Variants in VPS53 observed in about 807,000 individuals in gnomAD.
VPS53 encodes the protein VPS53 subunit of GARP complex.
Under a neutral mutation model 107.0 loss-of-function variants are expected in VPS53, and 70 were observed. That is an observed-to-expected ratio of 0.65 (90% CI 0.54 to 0.80). VPS53 has a LOEUF of 0.80. VPS53 is among the 30% of genes least tolerant of loss of function. The pLI is 0.00. For synonymous variants in VPS53, 409 were observed against 393.3 expected (o/e 1.04, Z -0.47); for missense variants, 917 against 1,049.4 (o/e 0.87, Z 1.74).
intron 15 of VPS53, among the ~76,000 whole-genome samples, chr17:559,298 C>T (rs1468988122): frequency 3.9e-5 from 6 of 152,114 alleles, no homozygotes; most frequent in South Asian, 2.1e-4. Context: ...TTAAATACTA[C>T]GGTTATTTTA....
At chr17:611,075 G>A (rs145243732) in intron 11 of VPS53, among the ~76,000 whole-genome samples, 274 of 151,870 alleles carry the variant, frequency 1.8e-3, no homozygotes, top group African/African-American at 6.2e-3. Flanking sequence ...CATGAGTGGC[G>A]CAATCTCAGC....
At chr17:528,589 TC>T (rs1446682447) in intron 19 of VPS53, among the ~76,000 whole-genome samples, 3 of 140,124 alleles carry the variant, frequency 2.1e-5, no homozygotes, top group African/African-American at 5.6e-5. Context: ...CATTTTTTTT[TC>T]AATTCTTTTT....
At chr17:674,627 C>T in intron 4 of VPS53, 1 of 152,348 alleles carries the variant, frequency 6.6e-6, no homozygotes, top group East Asian at 1.9e-4. Context: ...GTTTCTTCGT[C>T]ATACTGAGGG....
intron 12 of VPS53, among the ~76,000 whole-genome samples, chr17:589,337 T>C (rs1458421950): frequency 1.3e-5 from 2 of 152,108 alleles, no homozygotes; most frequent in Non-Finnish European, 2.9e-5. Flanking sequence ...TGAAAATCTT[T>C]AAAAGCCTAT....
In VPS53 at chr17:591,801, G is replaced by A. The variant is rs573571938; in HGVS notation, c.1219-5437C>T. 2.6e-3 allele frequency among the ~76,000 whole-genome samples: 402 copies of A among 152,200 alleles called. 3 individuals carry two copies. The highest frequency in any genetic ancestry group is 9.4e-3 in the African/African-American group (389 of 41,506). On this transcript the variant is annotated intron_variant, in intron 12 of 21. Coordinates refer to ENST00000437048, the MANE Select transcript of VPS53 (RefSeq NM_001128159.3). Reference sequence around the variant, plus strand: ...GGAGAGCTTTACTTCCAACTATGTGGTCAATTTTGGAATAGATGTGGTGTG... The same window carrying A: ...GGAGAGCTTTACTTCCAACTATGTGATCAATTTTGGAATAGATGTGGTGTG...
chr17:653,483 C>CTA, intron 6 of VPS53, 73 bp from the exon 7 acceptor site: 1 of 1,599,564 alleles, frequency 6.3e-7, no homozygotes, highest in African/African-American at 1.3e-5. Flanking sequence ...GAACAACCCA[C>CTA]GCTAGCTCTC....
At chr17:698,561 A>G (rs1240500453) in intron 3 of VPS53, among the ~76,000 whole-genome samples, 2 of 152,016 alleles carry the variant, frequency 1.3e-5, no homozygotes, top group Non-Finnish European at 1.5e-5. Context: ...AAACATTAGC[A>G]AAGTGTGGTG....
chr17:697,302 G>A (rs2143913387), intron 4 of VPS53, 116 bp downstream of exon 4: 2 of 872,578 alleles, frequency 2.3e-6, no homozygotes, highest in South Asian at 1.4e-5. Flanking sequence ...GTCCTGCCAT[G>A]TATGAAACGG....
Position 514,746 on chromosome 17 carries a change from G to C in VPS53, c.*4382C>G, listed in dbSNP as rs1908182279. The C allele has an allele frequency of 6.5e-6, 1 of 152,706 alleles. No individual in the cohort carries two copies. The highest frequency in any genetic ancestry group is 2.4e-5 in the African/African-American group (1 of 41,476). 9.5% of individuals were successfully genotyped at this position (152,706 alleles called of 1,614,324 possible). Reference sequence around the variant, plus strand: ...CCTGCCCCCACGCTCTGCGTGCCCTGTACTGGTCATGCTGGTCTCAGCTTG... The same window carrying C: ...CCTGCCCCCACGCTCTGCGTGCCCTCTACTGGTCATGCTGGTCTCAGCTTG... On this transcript the variant is annotated 3_prime_UTR_variant, in exon 22 of 22. Coordinates refer to ENST00000437048, the MANE Select transcript of VPS53 (RefSeq NM_001128159.3).
intron 11 of VPS53, among the ~76,000 whole-genome samples, chr17:619,085 C>G (rs1424602945): frequency 7.1e-6 from 1 of 141,106 alleles, no homozygotes; most frequent in East Asian, 2.2e-4. Flanking sequence ...GCGTGCACCA[C>G]CACGCCCAGC....
chr17:635,345 T>C (rs879428073), intron 7 of VPS53, among the ~76,000 whole-genome samples: 6 of 152,342 alleles, frequency 3.9e-5, no homozygotes, highest in East Asian at 3.9e-4. Flanking sequence ...ATTCTGTAGG[T>C]TGCCTGTTCA....
Position 714,701 on chromosome 17 carries a change from C to T in VPS53, c.9G>A (p.Glu3=). The T allele has an allele frequency of 4.3e-6, 7 of 1,613,270 alleles. No individual in the cohort carries two copies. Among genetic ancestry groups the T allele is most frequent in the Non-Finnish European group, 5.9e-6 (7 of 1,179,702 alleles). ...CCTCCACGAACTCCAGTTCCTCCTC[C>T]TCCATCATTCCGCCACCCGGCCCCC... is the stretch of plus-strand genomic sequence containing the variant. MM[E]EEELEFVEEL... Residue 3 remains glutamate, a synonymous_variant, in exon 1 of 22, where the codon GAG becomes GAA. Coordinates refer to ENST00000437048, the MANE Select transcript of VPS53 (RefSeq NM_001128159.3).
At position 588,918 on chromosome 17, in the gene VPS53, T is replaced by C. The variant is rs1311550803; in HGVS notation, c.1219-2554A>G. Reference sequence around the variant, plus strand: ...TCCTGTTTATTCCAAGTCAGTATCTTTTATTATTGATTCAATAAGATGACT... The same window carrying C: ...TCCTGTTTATTCCAAGTCAGTATCTCTTATTATTGATTCAATAAGATGACT... On this transcript the variant is annotated intron_variant, in intron 12 of 21. Coordinates refer to ENST00000437048, the MANE Select transcript of VPS53 (RefSeq NM_001128159.3). 3.3e-5 allele frequency among the ~76,000 whole-genome samples: 5 copies of C among 152,234 alleles called. No individual in the cohort carries two copies. In the East Asian group the frequency reaches 9.6e-4, roughly 29 times the overall value.
chr17:639,261 G>C (rs1970326728), intron 7 of VPS53, among the ~76,000 whole-genome samples: 1 of 152,148 alleles, frequency 6.6e-6, no homozygotes, highest in Non-Finnish European at 1.5e-5. Context: ...ATGGTTTTCA[G>C]CTCCATTAGG....
At chr17:569,074 G>A (rs968043367) in intron 13 of VPS53, among the ~76,000 whole-genome samples, 1 of 152,170 alleles carries the variant, frequency 6.6e-6, no homozygotes, top group Non-Finnish European at 1.5e-5. Flanking sequence ...GGAAATGGAC[G>A]ACTCCAGGGC....
Position 528,580 on chromosome 17 carries a change from AT to A in VPS53, c.2085+4261del, listed in dbSNP as rs1029657056. Among the ~76,000 whole-genome samples, 35 of 133,636 alleles carry A rather than the reference AT, an allele frequency of 2.6e-4. 1 individual carries two copies. Among genetic ancestry groups the A allele is most frequent in the African/African-American group, 6.9e-4 (25 of 36,180 alleles). The allele number at this position is 133,636 out of a possible 152,430, so 87.7% of individuals were successfully genotyped here. On this transcript the variant is annotated intron_variant, in intron 19 of 21. Coordinates refer to ENST00000437048, the MANE Select transcript of VPS53 (RefSeq NM_001128159.3). Reference sequence around the variant, plus strand: ...TGTGTACAAGCTTTTGTGTGAACACATTTTTTTTTCAATTCTTTTTTTTTTT... The same window carrying A: ...TGTGTACAAGCTTTTGTGTGAACACATTTTTTTTCAATTCTTTTTTTTTTT...
intron 11 of VPS53, among the ~76,000 whole-genome samples, chr17:603,493 C>T (rs1968418185): frequency 2.0e-5 from 3 of 152,328 alleles, no homozygotes; most frequent in Admixed American, 6.5e-5. Context: ...TGGTTTAAGA[C>T]AATACTGCTA....
At chr17:641,011 C>T (rs931397357) in intron 7 of VPS53, among the ~76,000 whole-genome samples, 10 of 152,072 alleles carry the variant, frequency 6.6e-5, no homozygotes, top group Admixed American at 3.9e-4. Flanking sequence ...CCTGCCACCA[C>T]GCCTGGCTAA....
chr17:644,260 C>T (rs1333703576), intron 7 of VPS53, among the ~76,000 whole-genome samples: 1 of 152,184 alleles, frequency 6.6e-6, no homozygotes, highest in Non-Finnish European at 1.5e-5. Context: ...TTCAAATGTA[C>T]AGGCAAAGAT....
Sources: gnomAD v4.1 joint callset for allele counts (sites outside exome capture counted in the v4.1 genomes callset) on GRCh38, gnomAD v4.1.1 for gene constraint, MANE v1.5 for transcripts, NCBI Gene and HGNC (gene_info 2026-07-23, HGNC 2026-07-21) for gene names.